The following ALDH1A1 variants were observed in gnomAD, a reference collection of about 807,000 sequenced individuals.
ALDH1A1 encodes the protein aldehyde dehydrogenase 1 family member A1, also known as aldehyde dehydrogenase 1A1.
A neutral mutation model predicts 62.1 loss-of-function variants in ALDH1A1; 19 were observed. That is an observed-to-expected ratio of 0.31 (90% CI 0.21 to 0.45). The LOEUF is 0.45. Among genes scored for constraint, ALDH1A1 ranks in the 20% least tolerant of loss-of-function variants. The probability of loss-of-function intolerance (pLI) is 1.00; values close to 1 mark genes in which losing one functional copy is unlikely to be tolerated. For missense variants in ALDH1A1, 521 were observed against 607.1 expected, an observed-to-expected ratio of 0.86 and a Z score of 1.49; for synonymous variants, 231 against 215.9, an observed-to-expected ratio of 1.07 and a Z score of -0.61.
chr9:72,951,651 G>A (rs1830545331), intron 1 of ALDH1A1, among the ~76,000 whole-genome samples: 1 of 151,828 alleles, frequency 6.6e-6, no homozygotes, highest in Admixed American at 6.6e-5. Context: ...AGAAAATGAG[G>A]GAGACTGGAC....
chr9:72,951,344 T>C (rs1830542654), intron 1 of ALDH1A1, among the ~76,000 whole-genome samples: 1 of 151,840 alleles, frequency 6.6e-6, no homozygotes, highest in South Asian at 2.1e-4. Context: ...CTTACATGCT[T>C]AGTTAATGAC....
At chr9:72,915,516 AT>A (rs1171434304) in intron 9 of ALDH1A1, among the ~76,000 whole-genome samples, 5 of 152,208 alleles carry the variant, frequency 3.3e-5, no homozygotes, top group Non-Finnish European at 7.3e-5. Context: ...ACTGATTTGA[AT>A]ATATCTCTTG....
chr9:72,939,979 A>ATTTTT (rs33988381), intron 2 of ALDH1A1, among the ~76,000 whole-genome samples, 169 bp downstream of exon 2: 1 of 143,682 alleles, frequency 7.0e-6, no homozygotes. Flanking sequence ...ACTACAGAGC[A>ATTTTT]TTTTTTTTTT....
In ALDH1A1 at chr9:72,918,750, T is replaced by C. The variant is rs1004623877; in HGVS notation, c.820A>G (p.Ser274Gly). The C allele has an allele frequency of 6.2e-7, 1 of 1,613,166 alleles. No homozygotes were observed. Among genetic ancestry groups the C allele is most frequent in the Non-Finnish European group, 8.5e-7 (1 of 1,179,748 alleles). The change falls in exon 8 of 13, where the codon AGC (serine) becomes GGC (glycine). Residue 274 changes from serine to glycine, a missense_variant. Physicochemically the swap from Ser to Gly is moderately conservative, Grantham distance 56. Coordinates refer to ENST00000297785, the MANE Select transcript of ALDH1A1 (RefSeq NM_000689.5). Reference protein sequence around the residue: ...KRVTLELGGKSPCIVLADADL... With the variant: ...KRVTLELGGKGPCIVLADADL... ...GCATCAGCTAACACAATGCAAGGGC[T>C]CTTTCCTCCAAGCTCCAGGGTCACC...
chr9:72,909,616 C>G lies in ALDH1A1; in HGVS notation c.1344G>C (p.Gln448His). Residue 448 changes from glutamine to histidine, a missense_variant, in exon 11 of 13, where the codon CAG (glutamine) becomes CAC (histidine). Coordinates refer to ENST00000297785, the MANE Select transcript of ALDH1A1 (RefSeq NM_000689.5). ...GTTGGACTTACCACACTGTTCCTGC[C>G]TGCAGAGCAGAGGAGATTGTTATGG... is the stretch of plus-strand genomic sequence containing the variant. ...DKAITISSAL[Q>H]AGTVWVNCYG... 1 of 1,613,114 alleles carries G rather than the reference C, an allele frequency of 6.2e-7. No individual in the cohort carries two copies. Among genetic ancestry groups the G allele is most frequent in the Non-Finnish European group, 8.5e-7 (1 of 1,179,584 alleles).
At chr9:72,903,906 C>T (rs1030577377) in intron 12 of ALDH1A1, among the ~76,000 whole-genome samples, 5 of 151,968 alleles carry the variant, frequency 3.3e-5, no homozygotes, top group African/African-American at 1.2e-4. Context: ...GTAATCTAAC[C>T]TTTGTTCTTA....
chr9:72,922,756 G>A (rs1241742944), intron 7 of ALDH1A1, among the ~76,000 whole-genome samples: 6 of 152,188 alleles, frequency 3.9e-5, no homozygotes, highest in Non-Finnish European at 7.3e-5. Flanking sequence ...ATTTCAACCT[G>A]TGGTGTCACC....
intron 6 of ALDH1A1, among the ~76,000 whole-genome samples, 174 bp downstream of exon 6, chr9:72,925,310 T>C (rs1172701753): frequency 6.6e-6 from 1 of 152,162 alleles, no homozygotes; most frequent in Non-Finnish European, 1.5e-5. Flanking sequence ...TGGGCAGAGA[T>C]GAATTTGGGG....
Position 72,901,223 on chromosome 9 carries a change from A to C in ALDH1A1, c.1491T>G (p.Ser497=). The part of the protein sequence containing the change: ...TEVKTVTVKI[S]QKNS ...TGTATTTTCTTTATGAGTTCTTCTG[A>C]GAGATTTTCACTGTGACTGTTTTGA... The change falls in exon 13 of 13, where the codon TCT becomes TCG. Residue 497 remains serine, a synonymous_variant. Coordinates refer to ENST00000297785, the MANE Select transcript of ALDH1A1 (RefSeq NM_000689.5). 1 of 1,608,854 alleles carries C rather than the reference A, an allele frequency of 6.2e-7. No homozygotes were observed.
rs933262989 is a variant in ALDH1A1, at chr9:72,927,146, T to C, written c.474A>G (p.Glu158=). Residue 158 remains glutamate, a synonymous_variant, in exon 5 of 13, where the codon GAA becomes GAG. Transcript: ENST00000297785. ...TGATTTGGCCACATACACCAATAGG[T>C]TCATGTCTTGTATATGTAAAAAAAT... The part of the protein sequence containing the change: ...DGNFFTYTRH[E]PIGVCGQIIP... The C allele has an allele frequency of 1.2e-6, 2 of 1,608,084 alleles. No individual in the cohort carries two copies. The highest frequency in any genetic ancestry group is 1.3e-5 in the African/African-American group (1 of 74,548).
At chr9:72,944,108 A>G (rs1349072243) in intron 1 of ALDH1A1, among the ~76,000 whole-genome samples, 1 of 152,072 alleles carries the variant, frequency 6.6e-6, no homozygotes, top group African/African-American at 2.4e-5. Context: ...TCCCCAGAGA[A>G]AGAAGTTTAG....
intron 3 of ALDH1A1, among the ~76,000 whole-genome samples, chr9:72,930,635 G>T (rs754276084): frequency 9.9e-5 from 15 of 152,130 alleles, no homozygotes; most frequent in Non-Finnish European, 1.8e-4. Flanking sequence ...TTTAACTTGG[G>T]TTTGCTAAAG....
intron 9 of ALDH1A1, 72 bp from the exon 10 acceptor site, chr9:72,912,194 A>C (rs1830000929): frequency 1.5e-6 from 2 of 1,338,234 alleles, no homozygotes; most frequent in Non-Finnish European, 2.1e-6. Context: ...TGGGCCTGTT[A>C]ACAAGGGCTT....
chr9:72,936,468 T>A (rs991230640), intron 2 of ALDH1A1, among the ~76,000 whole-genome samples: 1 of 152,166 alleles, frequency 6.6e-6, no homozygotes, highest in East Asian at 1.9e-4. Context: ...AGAGAAAGTA[T>A]GTAGCTCTCA....
chr9:72,909,883 C>A lies in ALDH1A1; in HGVS notation c.1201-124G>T. On this transcript the variant is annotated intron_variant, in intron 10 of 12. Coordinates refer to ENST00000297785, the MANE Select transcript of ALDH1A1 (RefSeq NM_000689.5). ...TTAAGATTTTGCTTCTCATCTCAAA[C>A]CTATGTGTGAGAATCCAAATAGGTA... 7 of 784,942 alleles carry A rather than the reference C, an allele frequency of 8.9e-6. No homozygotes were observed. The South Asian group carries it at 9.5e-5, about 11-fold the overall frequency. 48.6% of individuals were successfully genotyped at this position (784,942 alleles called of 1,614,324 possible).
intron 8 of ALDH1A1, among the ~76,000 whole-genome samples, chr9:72,917,921 G>A (rs1484586263): frequency 1.3e-5 from 2 of 152,118 alleles, no homozygotes; most frequent in African/African-American, 4.8e-5. Flanking sequence ...GCAGTTTATA[G>A]ACAGTCTTAG....
chr9:72,946,976 A>G (rs1830483829), intron 1 of ALDH1A1, among the ~76,000 whole-genome samples: 1 of 151,910 alleles, frequency 6.6e-6, no homozygotes, highest in Non-Finnish European at 1.5e-5. Context: ...TGACAAATTC[A>G]ATAGGTTAAA....
chr9:72,913,107 T>C (rs895626025), intron 9 of ALDH1A1, among the ~76,000 whole-genome samples: 3 of 152,164 alleles, frequency 2.0e-5, no homozygotes, highest in African/African-American at 7.2e-5. Flanking sequence ...GTTTTATGTT[T>C]CACTTTCTCT....
intron 2 of ALDH1A1, 94 bp from the exon 3 acceptor site, chr9:72,931,113 A>T: frequency 1.4e-6 from 2 of 1,380,960 alleles, no homozygotes; most frequent in Non-Finnish European, 2.0e-6. Context: ...GTAGTGCCTC[A>T]TAAGCAGGCA....
Sources: gnomAD v4.1 joint callset for allele counts (sites outside exome capture counted in the v4.1 genomes callset) on GRCh38, gnomAD v4.1.1 for gene constraint, MANE v1.5 for transcripts, NCBI Gene and HGNC (gene_info 2026-07-23, HGNC 2026-07-21) for gene names.